The following LGR4 variants were observed in gnomAD, a reference collection of about 807,000 sequenced individuals.
The protein encoded by LGR4 is leucine-rich repeat-containing G protein-coupled receptor 4.
In LGR4, 44 loss-of-function variants were observed where a neutral mutation model predicts 84.8. The ratio of observed to expected loss-of-function variants is 0.52; its 90% CI spans 0.41 to 0.67. The LOEUF (loss-of-function observed/expected upper bound fraction) is 0.67, where lower values mean the gene tolerates loss of function less well. LGR4 is among the 30% of genes least tolerant of loss of function. LGR4 has a pLI of 0.00. For missense variants in LGR4, 1,032 were observed against 1,131.4 expected, an observed-to-expected ratio of 0.91 and a Z score of 1.26; for synonymous variants, 429 against 434.3, an observed-to-expected ratio of 0.99 and a Z score of 0.15.
Position 27,472,245 on chromosome 11 carries a change from C to CGGCCG in LGR4, c.53_57dup (p.Gly20ArgfsTer31). 1 of 1,322,446 alleles carries CGGCCG rather than the reference C, an allele frequency of 7.6e-7. No homozygotes were observed. The highest frequency in any genetic ancestry group is 9.6e-7 in the Non-Finnish European group (1 of 1,041,684). 81.9% of individuals were successfully genotyped at this position (1,322,446 alleles called of 1,614,324 possible). A position where few individuals can be genotyped will look rare whatever the true frequency, so the allele number is the denominator to read the frequency against. ...AGAGGCGGCGCCGCGCCGCTGGGCC[C>CGGCCG]GGCCGAGCCGAGCAGCCCCAGGGCG... On this transcript the variant is annotated frameshift_variant, in exon 1 of 18. Transcript: ENST00000379214. LOFTEE classifies it high-confidence loss of function.
chr11:27,376,252 T>C, intron 13 of LGR4, 47 bp downstream of exon 13: 1 of 1,068,548 alleles, frequency 9.4e-7, no homozygotes, highest in Non-Finnish European at 1.4e-6. Context: ...CATATTAACA[T>C]AGTTTGGAAA....
chr11:27,456,910 T>A (rs1227701429), intron 1 of LGR4, among the ~76,000 whole-genome samples: 3 of 152,252 alleles, frequency 2.0e-5, no homozygotes, highest in African/African-American at 7.2e-5. Flanking sequence ...TATAGATGTA[T>A]GTGTGCTTTT....
intron 1 of LGR4, among the ~76,000 whole-genome samples, chr11:27,447,304 A>G (rs1864409194): frequency 1.3e-5 from 2 of 152,192 alleles, no homozygotes; most frequent in South Asian, 4.1e-4. Context: ...AGGATGCAAT[A>G]AAGAAGCTGG....
chr11:27,431,024 A>G (rs1864107546), intron 1 of LGR4, among the ~76,000 whole-genome samples: 1 of 151,742 alleles, frequency 6.6e-6, no homozygotes, highest in Non-Finnish European at 1.5e-5. Flanking sequence ...TTTCTCTCAA[A>G]TGTCACCCCT....
intron 1 of LGR4, among the ~76,000 whole-genome samples, chr11:27,423,331 T>G (rs538131925): frequency 2.0e-5 from 3 of 152,342 alleles, no homozygotes; most frequent in East Asian, 1.9e-4. Context: ...CGTCAGAGCC[T>G]GAACCCAAAG....
At chr11:27,407,283 C>T (rs1863629331) in intron 2 of LGR4, among the ~76,000 whole-genome samples, 1 of 152,126 alleles carries the variant, frequency 6.6e-6, no homozygotes, top group South Asian at 2.1e-4. Flanking sequence ...CTTAGAGTTG[C>T]AGGTAATAGT....
At chr11:27,397,887 C>A (rs562232063) in intron 2 of LGR4, among the ~76,000 whole-genome samples, 2 of 152,238 alleles carry the variant, frequency 1.3e-5, no homozygotes, top group African/African-American at 2.4e-5. Context: ...GCCCCAGAAG[C>A]AAAGAGAGCA....
intron 1 of LGR4, among the ~76,000 whole-genome samples, chr11:27,440,050 C>T (rs536312193): frequency 5.9e-5 from 9 of 152,136 alleles, no homozygotes; most frequent in African/African-American, 2.2e-4. Context: ...AGATTATAGG[C>T]ACCCACCACC....
chr11:27,382,346 T>A (rs1863112252), intron 6 of LGR4, 90 bp from the exon 7 acceptor site: 1 of 803,800 alleles, frequency 1.2e-6, no homozygotes. Context: ...TTTTTTTAAA[T>A]CATATCCTCT....
chr11:27,453,563 C>A (rs1330720048), intron 1 of LGR4, among the ~76,000 whole-genome samples: 1 of 152,004 alleles, frequency 6.6e-6, no homozygotes. Flanking sequence ...ATTCATTGTG[C>A]TTATTTACTG....
At chr11:27,457,715 A>G (rs2133450845) in intron 1 of LGR4, among the ~76,000 whole-genome samples, 1 of 152,348 alleles carries the variant, frequency 6.6e-6, no homozygotes, top group East Asian at 1.9e-4. Flanking sequence ...CTGTGTGAAT[A>G]TTTATGGTGG....
intron 1 of LGR4, among the ~76,000 whole-genome samples, chr11:27,427,466 C>T (rs1292511791): frequency 1.3e-5 from 2 of 152,160 alleles, no homozygotes; most frequent in South Asian, 2.1e-4. Flanking sequence ...TTGGCAGGTA[C>T]AGGCTGCAGT....
chr11:27,423,266 G>A lies in LGR4; in HGVS notation c.186-10406C>T, dbSNP rs148623526. On this transcript the variant is annotated intron_variant, in intron 1 of 17. Transcript: ENST00000379214. ...CACTGACCTCATTATGTTGAGGCAA[G>A]AGGAGAATTCTAAATGATGAGGCAA... Among the ~76,000 whole-genome samples the A allele has an allele frequency of 5.3e-4, 80 of 152,324 alleles. 1 individual carries two copies. The highest frequency in any genetic ancestry group is 1.8e-3 in the African/African-American group (75 of 41,570).
At chr11:27,431,806 A>G (rs984966976) in intron 1 of LGR4, among the ~76,000 whole-genome samples, 11 of 152,248 alleles carry the variant, frequency 7.2e-5, no homozygotes, top group Non-Finnish European at 1.6e-4. Context: ...GACTTTCAGC[A>G]AGGCTGCCTG....
At chr11:27,371,533 A>G in intron 17 of LGR4, 82 bp downstream of exon 17, 1 of 942,350 alleles carries the variant, frequency 1.1e-6, no homozygotes, top group Non-Finnish European at 1.7e-6. Flanking sequence ...TACAGAAATC[A>G]CATCTATACC....
chr11:27,371,821 T>A, intron 16 of LGR4, 123 bp from the exon 17 acceptor site: 1 of 671,824 alleles, frequency 1.5e-6, no homozygotes, highest in South Asian at 2.1e-5. Context: ...AATAACATAT[T>A]AAAGATGCTG....
At chr11:27,380,595 C>A in intron 9 of LGR4, 45 bp downstream of exon 9, 2 of 1,282,894 alleles carry the variant, frequency 1.6e-6, no homozygotes, top group Non-Finnish European at 2.2e-6. Flanking sequence ...TCCACTAAAA[C>A]AACTGTATAA....
At chr11:27,425,656 C>G (rs1864010088) in intron 1 of LGR4, among the ~76,000 whole-genome samples, 1 of 152,134 alleles carries the variant, frequency 6.6e-6, no homozygotes, top group South Asian at 2.1e-4. Flanking sequence ...CCCTTTCACT[C>G]TCAAAGGTAT....
intron 1 of LGR4, among the ~76,000 whole-genome samples, chr11:27,446,246 T>C (rs889081920): frequency 7.9e-5 from 12 of 152,228 alleles, no homozygotes; most frequent in African/African-American, 2.7e-4. Flanking sequence ...CTGTTCACTC[T>C]GATGGTAGTT....
Sources: gnomAD v4.1 joint callset for allele counts (sites outside exome capture counted in the v4.1 genomes callset) on GRCh38, gnomAD v4.1.1 for gene constraint, MANE v1.5 for transcripts, NCBI Gene and HGNC (gene_info 2026-07-23, HGNC 2026-07-21) for gene names.